SKAP1: variants seen among roughly 807,000 people sequenced by gnomAD.
SKAP1 encodes the protein src kinase-associated phosphoprotein 1.
SKAP1 carries 44 observed loss-of-function variants against 58.5 expected under a neutral mutation model. The observed-to-expected ratio is 0.75, with a 90% CI of 0.59 to 0.97. The LOEUF (loss-of-function observed/expected upper bound fraction) is 0.97, where lower values mean the gene tolerates loss of function less well. Among genes scored for constraint, SKAP1 ranks in the 50% least tolerant of loss-of-function variants. SKAP1 has a pLI of 0.00. For synonymous variants in SKAP1, 127 were observed against 149.7 expected (o/e 0.85, Z 1.11); for missense variants, 390 against 435.2 (o/e 0.90, Z 0.92).
At position 48,350,193 on chromosome 17, in the gene SKAP1, A is replaced by G. The variant is rs1157738372; in HGVS notation, c.179-4187T>C. On this transcript the variant is annotated intron_variant, in intron 3 of 12. Coordinates refer to ENST00000336915, the MANE Select transcript of SKAP1 (RefSeq NM_003726.4). ...CAGAGAAATGAGAAAGAAATTTAAAAAGACAGAAAATGGTTTAAGCATTAA... is the reference window on the plus strand; with the variant it reads ...CAGAGAAATGAGAAAGAAATTTAAAGAGACAGAAAATGGTTTAAGCATTAA... 5.3e-5 allele frequency among the ~76,000 whole-genome samples: 8 copies of G among 151,902 alleles called. No homozygotes were observed. In the East Asian group the frequency reaches 9.7e-4, roughly 18 times the overall value.
chr17:48,356,042 C>G (rs2066871973), intron 3 of SKAP1, among the ~76,000 whole-genome samples: 3 of 151,664 alleles, frequency 2.0e-5, no homozygotes, highest in Admixed American at 2.0e-4. Context: ...ATCTCTTGAG[C>G]CCAAAATTTC....
chr17:48,221,277 T>A (rs986999567), intron 4 of SKAP1, among the ~76,000 whole-genome samples: 1 of 152,068 alleles, frequency 6.6e-6, no homozygotes, highest in African/African-American at 2.4e-5. Flanking sequence ...AATAAATAAA[T>A]AAATAAATAA....
At chr17:48,328,421 A>G (rs998079498) in intron 4 of SKAP1, among the ~76,000 whole-genome samples, 2 of 152,180 alleles carry the variant, frequency 1.3e-5, no homozygotes, top group African/African-American at 4.8e-5. Flanking sequence ...CTTGTGAAGG[A>G]ATAAATGATA....
intron 1 of SKAP1, among the ~76,000 whole-genome samples, chr17:48,413,220 A>G (rs892465910): frequency 2.0e-5 from 3 of 151,910 alleles, no homozygotes; most frequent in African/African-American, 7.3e-5. Flanking sequence ...TATATAAAAC[A>G]TTTGCTTTTC....
intron 4 of SKAP1, among the ~76,000 whole-genome samples, chr17:48,245,447 C>T (rs1388474305): frequency 1.3e-5 from 2 of 152,132 alleles, no homozygotes; most frequent in East Asian, 3.8e-4. Context: ...CTTTATTATG[C>T]TTTAGAACGA....
intron 4 of SKAP1, among the ~76,000 whole-genome samples, chr17:48,322,684 C>T (rs998010171): frequency 3.3e-5 from 5 of 152,224 alleles, no homozygotes; most frequent in African/African-American, 1.2e-4. Context: ...CTTCTAGTGA[C>T]TTCACTTTAC....
chr17:48,156,587 G>A (rs776036824), intron 11 of SKAP1: 78 of 385,708 alleles, frequency 2.0e-4, no homozygotes, highest in Non-Finnish European at 3.7e-4. Flanking sequence ...AACATCCGCT[G>A]GATGCACAGA....
At chr17:48,222,741 G>T (rs557554723) in intron 4 of SKAP1, among the ~76,000 whole-genome samples, 1 of 151,632 alleles carries the variant, frequency 6.6e-6, no homozygotes, top group South Asian at 2.1e-4. Context: ...GCCTCCCAAA[G>T]TGCTGTAGAA....
In SKAP1 at chr17:48,180,171, C is replaced by T. The variant is rs1317431256; in HGVS notation, c.709G>A (p.Gly237Ser). Residue 237 changes from glycine (G) to serine (S), a missense_variant, in exon 9 of 13, where the codon GGT (glycine) becomes AGT (serine). Transcript: ENST00000336915. ...GAACCACAACTTGGGGAGTCAAAACCATCAATATCATCATATGTCTCTTCT... is the reference window on the plus strand; with the variant it reads ...GAACCACAACTTGGGGAGTCAAAACTATCAATATCATCATATGTCTCTTCT... ...EKEETYDDID[G>S]FDSPSCGSQC... 25 of 1,613,716 alleles carry T rather than the reference C, an allele frequency of 1.5e-5. No homozygotes were observed. The highest frequency in any genetic ancestry group is 2.1e-5 in the Non-Finnish European group (25 of 1,179,880).
At chr17:48,163,130 C>T (rs1351119465) in intron 10 of SKAP1, among the ~76,000 whole-genome samples, 2 of 152,138 alleles carry the variant, frequency 1.3e-5, no homozygotes, top group Admixed American at 1.3e-4. Context: ...AAACGAATAG[C>T]CCAGTCTTTA....
intron 1 of SKAP1, among the ~76,000 whole-genome samples, chr17:48,409,904 A>G (rs1347148446): frequency 6.6e-6 from 1 of 152,164 alleles, no homozygotes; most frequent in African/African-American, 2.4e-5. Flanking sequence ...AGGTTAGGAG[A>G]TTTCAAGAAA....
At chr17:48,306,194 T>C (rs1384231037) in intron 4 of SKAP1, among the ~76,000 whole-genome samples, 1 of 152,232 alleles carries the variant, frequency 6.6e-6, no homozygotes, top group African/African-American at 2.4e-5. Flanking sequence ...CCCCAGGATC[T>C]GAAAAGATGG....
chr17:48,235,837 T>C lies in SKAP1; in HGVS notation c.281-46337A>G, dbSNP rs1005851637. Among the ~76,000 whole-genome samples the C allele has an allele frequency of 1.2e-4, 18 of 152,292 alleles. 1 individual carries two copies. The South Asian group carries it at 3.5e-3, about 30-fold the overall frequency. ...ATAGCTCTTTCTCCTGCTTTACTCA[T>C]CAGGAGCCTATAGTCAAATATACCA... On this transcript the variant is annotated intron_variant, in intron 4 of 12. Transcript: ENST00000336915.
chr17:48,216,174 G>A (rs2064936725), intron 4 of SKAP1, among the ~76,000 whole-genome samples: 1 of 152,188 alleles, frequency 6.6e-6, no homozygotes, highest in South Asian at 2.1e-4. Context: ...GTTGTTCTTG[G>A]CAGTATGAAT....
rs200630777 is a variant in SKAP1, at chr17:48,245,976, AAACAAC to A, written c.281-56482_281-56477del. On this transcript the variant is annotated intron_variant, in intron 4 of 12. Coordinates refer to ENST00000336915, the MANE Select transcript of SKAP1 (RefSeq NM_003726.4). ...GGTGACAGAGCTAGACTCCGTCTCA[AAACAAC>A]AACAACAACAATAACAAAAAACAAC... Among the ~76,000 whole-genome samples the A allele has an allele frequency of 3.0e-3, 464 of 152,232 alleles. 9 individuals carry two copies. Among genetic ancestry groups the A allele is most frequent in the Admixed American group, 0.019 (284 of 15,280 alleles).
At chr17:48,235,470 C>G (rs1160999655) in intron 4 of SKAP1, among the ~76,000 whole-genome samples, 4 of 151,720 alleles carry the variant, frequency 2.6e-5, no homozygotes, top group African/African-American at 9.7e-5. Context: ...AAGTTGCTCA[C>G]AGACTCCATT....
At chr17:48,440,179 C>G in the SKAP1 span, among the ~76,000 whole-genome samples, 2 of 152,218 alleles carry the variant, frequency 1.3e-5, no homozygotes, top group Non-Finnish European at 2.9e-5. Flanking sequence ...AGGCCATGAC[C>G]TCTGTAAATG....
chr17:48,419,838 C>T lies in SKAP1; in HGVS notation c.46+10237G>A, dbSNP rs143430724. Among the ~76,000 whole-genome samples the T allele has an allele frequency of 5.2e-3, 787 of 152,188 alleles. 7 individuals carry two copies. The highest frequency in any genetic ancestry group is 0.034 in the Middle Eastern group (10 of 294). On this transcript the variant is annotated intron_variant, in intron 1 of 12. Coordinates refer to ENST00000336915, the MANE Select transcript of SKAP1 (RefSeq NM_003726.4). ...CCATAACATACTCATATTAGAATGT[C>T]AACAATGTTAGGAGGAGACCCTAAA... is the stretch of plus-strand genomic sequence containing the variant.
At chr17:48,156,417 T>C (rs766146634) in intron 11 of SKAP1, 3 of 507,118 alleles carry the variant, frequency 5.9e-6, no homozygotes, top group Non-Finnish European at 1.2e-5. Context: ...ATTGGTTACG[T>C]ATGAGGAGAC....
Sources: gnomAD v4.1 joint callset for allele counts (sites outside exome capture counted in the v4.1 genomes callset) on GRCh38, gnomAD v4.1.1 for gene constraint, MANE v1.5 for transcripts, NCBI Gene and HGNC (gene_info 2026-07-23, HGNC 2026-07-21) for gene names.